Variants in ADCY9 observed in about 807,000 individuals in gnomAD.
The protein encoded by ADCY9 is adenylate cyclase type 9.
A neutral mutation model predicts 101.5 loss-of-function variants in ADCY9; 50 were observed. The ratio of observed to expected loss-of-function variants is 0.49; its 90% confidence interval spans 0.39 to 0.62. The LOEUF is 0.62. Among genes scored for constraint, ADCY9 ranks in the 20% least tolerant of loss-of-function variants. The pLI, the probability that ADCY9 is intolerant of heterozygous loss-of-function variation, is 0.00. For synonymous variants in ADCY9, 905 were observed against 769.3 expected, an observed-to-expected ratio of 1.18 and a Z score of -2.92; for missense variants, 1,662 against 1,800.4, an observed-to-expected ratio of 0.92 and a Z score of 1.39.
At chr16:4,067,421 C>A (rs1468382727) in intron 2 of ADCY9, among the ~76,000 whole-genome samples, 1 of 152,178 alleles carries the variant, frequency 6.6e-6, no homozygotes, top group African/African-American at 2.4e-5. Flanking sequence ...AGGCTTCTAA[C>A]AGTGAACATG....
chr16:4,045,784 G>A (rs1375136576), intron 2 of ADCY9, among the ~76,000 whole-genome samples: 2 of 150,892 alleles, frequency 1.3e-5, no homozygotes, highest in Admixed American at 6.6e-5. Context: ...CTGCAGCCTC[G>A]ACCTCCTTGG....
chr16:4,013,113 G>A (rs2056414477), intron 2 of ADCY9, among the ~76,000 whole-genome samples: 1 of 152,072 alleles, frequency 6.6e-6, no homozygotes, highest in Non-Finnish European at 1.5e-5. Flanking sequence ...TCAGCTGGGT[G>A]TGGTGGCACC....
chr16:4,060,849 C>T (rs2056769825), intron 2 of ADCY9, among the ~76,000 whole-genome samples: 1 of 152,022 alleles, frequency 6.6e-6, no homozygotes, highest in South Asian at 2.1e-4. Context: ...GTGAATTATA[C>T]TCAGGCAAGA....
chr16:4,057,141 G>A (rs12444920), intron 2 of ADCY9, among the ~76,000 whole-genome samples: 25,483 of 149,388 alleles, frequency 0.17, 2,354 homozygotes, highest in African/African-American at 0.26. Flanking sequence ...ATCTACAATT[G>A]TTTAGGTTTT....
rs368954278 is a variant in ADCY9 at position 4,025,578 on chromosome 16, C to T, written c.1694-18020G>A. Among the ~76,000 whole-genome samples, 11 of 152,216 alleles carry T rather than the reference C, an allele frequency of 7.2e-5. No individual in the cohort carries two copies. In the South Asian group the frequency reaches 1.0e-3, roughly 14 times the overall value. ...GTGTGCAAGGTGGAGAAGGCACACG[C>T]GGTCAGTCCTTTGGAGAAGTCTGGC... On this transcript the variant is annotated intron_variant, in intron 2 of 10. Coordinates refer to ENST00000294016, the MANE Select transcript of ADCY9 (RefSeq NM_001116.4).
At chr16:3,996,173 C>T (rs563529406) in intron 3 of ADCY9, among the ~76,000 whole-genome samples, 2 of 152,190 alleles carry the variant, frequency 1.3e-5, no homozygotes, top group Admixed American at 1.3e-4. Context: ...CCAGCCTGGG[C>T]AACATAGGGA....
intron 2 of ADCY9, among the ~76,000 whole-genome samples, chr16:4,070,369 G>A (rs1306781681): frequency 1.3e-5 from 2 of 152,100 alleles, no homozygotes; most frequent in African/African-American, 4.8e-5. Flanking sequence ...CTTATATGTG[G>A]CTTTTCTCTA....
intron 2 of ADCY9, among the ~76,000 whole-genome samples, chr16:4,111,332 G>A (rs919238252): frequency 5.9e-5 from 9 of 152,136 alleles, no homozygotes; most frequent in Admixed American, 5.9e-4. Flanking sequence ...CGCCCAGGCT[G>A]GTGTGCAGTG....
rs906614023 is a variant in ADCY9 at position 4,001,103 on chromosome 16, G to A, written c.1884+6265C>T. On this transcript the variant is annotated intron_variant, in intron 3 of 10. Coordinates refer to ENST00000294016, the MANE Select transcript of ADCY9 (RefSeq NM_001116.4). The stretch of plus-strand genomic sequence containing the variant: ...CATATATCCTCCGTACATACTCACC[G>A]TACAGTTATCAAAACCAAAGCAACT... Among the ~76,000 whole-genome samples, 65 of 151,954 alleles carry A rather than the reference G, an allele frequency of 4.3e-4. 1 individual carries two copies. The highest frequency in any genetic ancestry group is 3.4e-3 in the Middle Eastern group (1 of 294).
intron 2 of ADCY9, among the ~76,000 whole-genome samples, chr16:4,086,810 C>T (rs2056941828): frequency 6.6e-6 from 1 of 152,056 alleles, no homozygotes; most frequent in African/African-American, 2.4e-5. Context: ...CAGGCATGCG[C>T]CACCACGCCC....
In ADCY9 at chr16:3,966,570, G is replaced by T. The variant is rs570463219; in HGVS notation, c.3267C>A (p.Ile1089=). 3 of 1,614,150 alleles carry T rather than the reference G, an allele frequency of 1.9e-6. No individual in the cohort carries two copies. The South Asian group carries it at 3.3e-5, about 18-fold the overall frequency. The change falls in exon 11 of 11, where the codon ATC becomes ATA. Residue 1089 remains isoleucine (I), a synonymous_variant. Coordinates refer to ENST00000294016, the MANE Select transcript of ADCY9 (RefSeq NM_001116.4). ...KECYRVLNEL[I]GDFDELLSKP... is the part of the protein sequence containing the mutation. ...TGCTTAGGAGCTCGTCAAAGTCCCCGATGAGCTCGTTGAGGACCCGGTAGC... is the reference window on the plus strand; with the variant it reads ...TGCTTAGGAGCTCGTCAAAGTCCCCTATGAGCTCGTTGAGGACCCGGTAGC...
At chr16:4,090,393 G>C (rs555816487) in intron 2 of ADCY9, among the ~76,000 whole-genome samples, 1 of 152,190 alleles carries the variant, frequency 6.6e-6, no homozygotes, top group African/African-American at 2.4e-5. Flanking sequence ...GCTATTTCTT[G>C]TTTTAACAAC....
chr16:3,957,085 C>T (rs2601788), intron 5 of ADCY9, among the ~76,000 whole-genome samples: 105,897 of 152,092 alleles, frequency 0.7, 37,392 homozygotes, highest in South Asian at 0.79. Flanking sequence ...ACATTAAACT[C>T]ACACCCTCCC....
intron 2 of ADCY9, among the ~76,000 whole-genome samples, chr16:4,036,741 C>A (rs557174139): frequency 1.0e-3 from 153 of 152,012 alleles, no homozygotes; most frequent in East Asian, 2.9e-3. Context: ...GGATTATAGG[C>A]GGGAGCCACC....
chr16:3,953,739 C>T (rs868511267), intron 5 of ADCY9, among the ~76,000 whole-genome samples: 7 of 152,306 alleles, frequency 4.6e-5, no homozygotes, highest in East Asian at 3.9e-4. Context: ...GAAAAAACGC[C>T]GGTTTTGGGA....
At chr16:4,021,838 T>C (rs2056479331) in intron 2 of ADCY9, among the ~76,000 whole-genome samples, 1 of 152,286 alleles carries the variant, frequency 6.6e-6, no homozygotes, top group East Asian at 1.9e-4. Context: ...GTTAGAGTCT[T>C]TGAAACGCAT....
At chr16:4,097,982 G>A (rs1076376) in intron 2 of ADCY9, among the ~76,000 whole-genome samples, 1 of 151,888 alleles carries the variant, frequency 6.6e-6, no homozygotes, top group Admixed American at 6.6e-5. Context: ...ATGCATTCCA[G>A]TGGCGTGGAA....
At chr16:4,040,937 G>C (rs2056622508) in intron 2 of ADCY9, among the ~76,000 whole-genome samples, 2 of 152,048 alleles carry the variant, frequency 1.3e-5, no homozygotes, top group Non-Finnish European at 2.9e-5. Context: ...GCTTCCAGTA[G>C]ACATGGGAGG....
chr16:4,097,815 G>A (rs2057018136), intron 2 of ADCY9, among the ~76,000 whole-genome samples: 1 of 151,612 alleles, frequency 6.6e-6, no homozygotes, highest in Non-Finnish European at 1.5e-5. Flanking sequence ...CCAAAGTGCT[G>A]GGATTACAGG....
Sources: gnomAD v4.1 joint callset for allele counts (sites outside exome capture counted in the v4.1 genomes callset) on GRCh38, gnomAD v4.1.1 for gene constraint, MANE v1.5 for transcripts, NCBI Gene and HGNC (gene_info 2026-07-23, HGNC 2026-07-21) for gene names.